TRADD: variants seen among roughly 807,000 people sequenced by gnomAD.
TRADD encodes the protein TNFRSF1A associated via death domain.
In TRADD, 14 loss-of-function variants were observed where a neutral mutation model predicts 31.5. The ratio of observed to expected loss-of-function variants is 0.44; its 90% CI spans 0.29 to 0.69. The LOEUF (loss-of-function observed/expected upper bound fraction) is 0.69. Among genes scored for constraint, TRADD ranks in the 30% least tolerant of loss-of-function variants. TRADD has a pLI of 0.11. For missense variants in TRADD, 388 were observed against 435.7 expected (o/e 0.89, Z 0.97); for synonymous variants, 220 against 215.8 (o/e 1.02, Z -0.17).
Position 67,156,596 on chromosome 16 carries a change from G to T in TRADD, c.65C>A (p.Ser22Ter). The change falls in exon 2 of 5, where the codon TCG (serine) becomes TAG (stop). Residue 22 changes from serine (S) to a stop codon, truncating the protein, a stop_gained. Coordinates refer to ENST00000345057, the MANE Select transcript of TRADD (RefSeq NM_003789.4). LOFTEE classifies it high-confidence loss of function. The surrounding 1 kb of genome is among the most constrained non-coding windows in gnomAD (Gnocchi z 4.6). ...ATCCGACAGGACCACCTTGTCCAGC[G>T]AGGACTCCACAAACAGGTATGCGCT... is the stretch of plus-strand genomic sequence containing the variant. ...VGSAYLFVES[S>*]LDKVVLSDAY... 2 of 1,614,064 alleles carry T rather than the reference G, an allele frequency of 1.2e-6. No homozygotes were observed.
At position 67,154,294 on chromosome 16, in the gene TRADD, T is replaced by TAAAAAA; in HGVS notation, c.*354_*355insTTTTTT. 2 of 411,950 alleles carry TAAAAAA rather than the reference T, an allele frequency of 4.9e-6. No individual in the cohort carries two copies. Among genetic ancestry groups the TAAAAAA allele is most frequent in the Non-Finnish European group, 9.0e-6 (2 of 222,706 alleles). 25.5% of individuals were successfully genotyped at this position (411,950 alleles called of 1,614,324 possible). On this transcript the variant is annotated 3_prime_UTR_variant, in exon 5 of 5. Coordinates refer to ENST00000345057, the MANE Select transcript of TRADD (RefSeq NM_003789.4). This position sits in a 1 kb window ranked among gnomAD's most constrained non-coding sequence, Gnocchi z 5.2. ...AAGATTGATTCCTGTTTTACTTCAC[T>TAAAAAA]GCAGTATCTGCAGCACCCAGGATGA...
At position 67,154,844 on chromosome 16, in the gene TRADD, C is replaced by A; in HGVS notation, c.744G>T (p.Ala248=). The A allele has an allele frequency of 6.3e-7, 1 of 1,590,854 alleles. No individual in the cohort carries two copies. The highest frequency in any genetic ancestry group is 1.8e-5 in the Admixed American group (1 of 57,048). The stretch of plus-strand genomic sequence containing the variant: ...CGTACTCGTAGGCCAGCGAGTCCAG[C>A]GCCGGGTCCCGCAGCGCCCGGCAGC... ...QRGCRALRDP[A]LDSLAYEYER... is the part of the protein sequence containing the mutation. The change falls in exon 5 of 5, where the codon GCG becomes GCT. Residue 248 remains alanine, a synonymous_variant. Coordinates refer to ENST00000345057, the MANE Select transcript of TRADD (RefSeq NM_003789.4). The surrounding 1 kb of genome is among the most constrained non-coding windows in gnomAD (Gnocchi z 5.2).
chr16:67,155,343 G>C (rs1355180605), intron 3 of TRADD, 34 bp downstream of exon 3: 2 of 1,605,404 alleles, frequency 1.2e-6, no homozygotes, highest in African/African-American at 2.7e-5. Flanking sequence ...GCGGATCCCC[G>C]CCCTACCCCA....
rs911258208 is a variant in TRADD, at chr16:67,156,435, G to A, written c.151+75C>T. On this transcript the variant is annotated intron_variant, in intron 2 of 4. Transcript: ENST00000345057. The surrounding 1 kb of genome is among the most constrained non-coding windows in gnomAD (Gnocchi z 4.6). Reference sequence around the variant, plus strand: ...CCCACCCCAAATCTTCTTCTTAAAGGTGGCTAAACCCAGGCCCACCCACAA... The same window carrying A: ...CCCACCCCAAATCTTCTTCTTAAAGATGGCTAAACCCAGGCCCACCCACAA... 1 of 1,596,322 alleles carries A rather than the reference G, an allele frequency of 6.3e-7. No homozygotes were observed.
At position 67,154,946 on chromosome 16, in the gene TRADD, C is replaced by T; in HGVS notation, c.642G>A (p.Leu214=). ...CGAACGTCTGTTGGTCCTTCAGGCT[C>T]AGCGGCCGATTCACTGCAGAGGGAG... The part of the protein sequence containing the change: ...FQGQPVVNRP[L]SLKDQQTFAR... The change falls in exon 5 of 5, where the codon CTG becomes CTA. Residue 214 remains leucine, a synonymous_variant. Coordinates refer to ENST00000345057, the MANE Select transcript of TRADD (RefSeq NM_003789.4). The surrounding 1 kb of genome is among the most constrained non-coding windows in gnomAD (Gnocchi z 5.2). The T allele has an allele frequency of 6.2e-7, 1 of 1,609,466 alleles. No individual in the cohort carries two copies. Among genetic ancestry groups the T allele is most frequent in the South Asian group, 1.1e-5 (1 of 90,464 alleles).
intron 4 of TRADD, 51 bp from the exon 5 acceptor site, chr16:67,155,010 T>TGCCC: frequency 9.3e-6 from 14 of 1,499,432 alleles, no homozygotes; most frequent in African/African-American, 1.4e-5. Context: ...CCAGCGCCGG[T>TGCCC]CCCACCCATC....
intron 2 of TRADD, 27 bp from the exon 3 acceptor site, chr16:67,155,681 G>T: frequency 6.4e-7 from 1 of 1,553,126 alleles, no homozygotes. Context: ...TCAGGCGCCG[G>T]GCGGTCCCCA....
chr16:67,157,605 A>C (rs1000134243), intron 1 of TRADD, among the ~76,000 whole-genome samples: 2 of 152,218 alleles, frequency 1.3e-5, no homozygotes, highest in African/African-American at 4.8e-5. Flanking sequence ...AAGCCATTGC[A>C]CACTGGACTT....
chr16:67,155,422 CA>C lies in TRADD; in HGVS notation c.383del (p.Leu128CysfsTer9). 6.3e-7 allele frequency: 1 copy of C among 1,597,398 alleles called. No individual in the cohort carries two copies. The highest frequency in any genetic ancestry group is 1.7e-4 in the Middle Eastern group (1 of 6,052). On this transcript the variant is annotated frameshift_variant, in exon 3 of 5. Transcript: ENST00000345057. LOFTEE classifies it high-confidence loss of function. ...LRAGAERLDALLADEERCLSC... is the reference protein window; with the variant it reads ...LRAGAERLDAXLADEERCLSC... ...TCAAACAGCGCTCCTCGTCCGCCAGCAAAGCGTCCAGCCGCTCGGCGCCGGC... is the reference window on the plus strand; with the variant it reads ...TCAAACAGCGCTCCTCGTCCGCCAGCAAGCGTCCAGCCGCTCGGCGCCGGC...
chr16:67,157,049 G>T (rs540887558), intron 1 of TRADD, among the ~76,000 whole-genome samples: 3 of 152,288 alleles, frequency 2.0e-5, no homozygotes, highest in African/African-American at 7.2e-5. Flanking sequence ...TCTTCATTCT[G>T]GATGGTGCCC....
chr16:67,156,754 TC>T lies in TRADD; in HGVS notation c.-8-87del, dbSNP rs2030715678. ...TACCCAGCCCCACGTGGTTCAGCTGTCCCCACCACAGTAGCCTCAAGTCCCA... is the reference window on the plus strand; with the variant it reads ...TACCCAGCCCCACGTGGTTCAGCTGTCCCACCACAGTAGCCTCAAGTCCCA... On this transcript the variant is annotated intron_variant, in intron 1 of 4. Coordinates refer to ENST00000345057, the MANE Select transcript of TRADD (RefSeq NM_003789.4). This position sits in a 1 kb window ranked among gnomAD's most constrained non-coding sequence, Gnocchi z 4.6. 1 of 1,563,926 alleles carries T rather than the reference TC, an allele frequency of 6.4e-7. No homozygotes were observed. The highest frequency in any genetic ancestry group is 1.1e-5 in the South Asian group (1 of 90,188).
At position 67,156,586 on chromosome 16, in the gene TRADD, C is replaced by G; in HGVS notation, c.75G>C (p.Lys25Asn). ...AYLFVESSLD[K>N]VVLSDAYAHP... is the part of the protein sequence containing the mutation. ...GCGCGTAGGCATCCGACAGGACCAC[C>G]TTGTCCAGCGAGGACTCCACAAACA... The change falls in exon 2 of 5, where the codon AAG becomes AAC. Residue 25 changes from lysine (K) to asparagine (N), a missense_variant. Lys to Asn is a moderately conservative substitution (Grantham distance 94). Transcript: ENST00000345057. This position sits in a 1 kb window ranked among gnomAD's most constrained non-coding sequence, Gnocchi z 4.6. The G allele has an allele frequency of 6.2e-7, 1 of 1,614,090 alleles. No homozygotes were observed. The highest frequency in any genetic ancestry group is 8.5e-7 in the Non-Finnish European group (1 of 1,180,030).
chr16:67,155,319 C>A (rs1301618875), intron 3 of TRADD, 25 bp from the exon 4 acceptor site: 1 of 1,609,060 alleles, frequency 6.2e-7, no homozygotes, highest in Non-Finnish European at 8.5e-7. Flanking sequence ...CGTGCCGTCA[C>A]GGGGGACTTA....
chr16:67,159,254 G>C lies in TRADD; in HGVS notation c.-9+584C>G, dbSNP rs1284769535. The stretch of plus-strand genomic sequence containing the variant: ...TGAGAAAGTTTGGTGGCCGGAGACT[G>C]TGGGGCGCTTAGGTACCGACCTAAC... On this transcript the variant is annotated intron_variant, in intron 1 of 4. Coordinates refer to ENST00000345057, the MANE Select transcript of TRADD (RefSeq NM_003789.4). The surrounding 1 kb of genome is among the most constrained non-coding windows in gnomAD (Gnocchi z 6.8). Among the ~76,000 whole-genome samples, 6 of 152,248 alleles carry C rather than the reference G, an allele frequency of 3.9e-5. No individual in the cohort carries two copies. Among genetic ancestry groups the C allele is most frequent in the Non-Finnish European group, 8.8e-5 (6 of 68,042 alleles).
chr16:67,156,003 G>C lies in TRADD; in HGVS notation c.152-349C>G, dbSNP rs952712593. The C allele has an allele frequency of 7.2e-7, 1 of 1,395,838 alleles. No homozygotes were observed. The highest frequency in any genetic ancestry group is 2.1e-5 in the Admixed American group (1 of 46,636). The allele number at this position is 1,395,838 out of a possible 1,614,324, so 86.5% of individuals were successfully genotyped here. A position where few individuals can be genotyped will look rare whatever the true frequency, so the allele number is the denominator to read the frequency against. On this transcript the variant is annotated intron_variant, in intron 2 of 4. Transcript: ENST00000345057. The surrounding 1 kb of genome is among the most constrained non-coding windows in gnomAD (Gnocchi z 4.6). ...GTCTGGGTAGGCGGCCAGCAGGGCA[G>C]AGGAGGGCGAGAGGTCTCAGGTCTT...
Position 67,159,041 on chromosome 16 carries a change from T to C in TRADD, c.-9+797A>G, listed in dbSNP as rs2030803897. Reference sequence around the variant, plus strand: ...TCTCACACTCACTAGTACTAGAAGATGGGGAAGGTGAACCAGGCTGGAGGT... The same window carrying C: ...TCTCACACTCACTAGTACTAGAAGACGGGGAAGGTGAACCAGGCTGGAGGT... On this transcript the variant is annotated intron_variant, in intron 1 of 4. Transcript: ENST00000345057. The surrounding 1 kb of genome is among the most constrained non-coding windows in gnomAD (Gnocchi z 6.8). 2.0e-5 allele frequency among the ~76,000 whole-genome samples: 3 copies of C among 152,062 alleles called. No individual in the cohort carries two copies. The highest frequency in any genetic ancestry group is 6.5e-5 in the Admixed American group (1 of 15,278).
At position 67,155,507 on chromosome 16, in the gene TRADD, T is replaced by G. The variant is rs2030653434; in HGVS notation, c.299A>C (p.Gln100Pro). 6.5e-7 allele frequency: 1 copy of G among 1,536,302 alleles called. No individual in the cohort carries two copies. Among genetic ancestry groups the G allele is most frequent in the Non-Finnish European group, 8.7e-7 (1 of 1,149,360 alleles). ...GGCGAGCGCGGCCGCCAGGCTCCTC[T>G]GCAGCGCGGCGCGCAGCGCCCCCTC... The part of the protein sequence containing the change: ...YREGALRAAL[Q>P]RSLAAALAQH... The change falls in exon 3 of 5, where the codon CAG becomes CCG. Residue 100 changes from glutamine to proline, a missense_variant. Transcript: ENST00000345057.
At position 67,154,845 on chromosome 16, in the gene TRADD, G is replaced by A. The variant is rs770415798; in HGVS notation, c.743C>T (p.Ala248Val). Reference sequence around the variant, plus strand: ...GTACTCGTAGGCCAGCGAGTCCAGCGCCGGGTCCCGCAGCGCCCGGCAGCC... The same window carrying A: ...GTACTCGTAGGCCAGCGAGTCCAGCACCGGGTCCCGCAGCGCCCGGCAGCC... ...QRGCRALRDPALDSLAYEYER... is the reference protein window; with the variant it reads ...QRGCRALRDPVLDSLAYEYER... Residue 248 changes from alanine (A) to valine (V), a missense_variant, in exon 5 of 5, where the codon GCG becomes GTG. Coordinates refer to ENST00000345057, the MANE Select transcript of TRADD (RefSeq NM_003789.4). The surrounding 1 kb of genome is among the most constrained non-coding windows in gnomAD (Gnocchi z 5.2). 4 of 1,591,466 alleles carry A rather than the reference G, an allele frequency of 2.5e-6. No individual in the cohort carries two copies. The highest frequency in any genetic ancestry group is 1.7e-6 in the Non-Finnish European group (2 of 1,170,204).
chr16:67,155,019 T>TC, intron 4 of TRADD, 60 bp from the exon 5 acceptor site: 1 of 660,896 alleles, frequency 1.5e-6, no homozygotes, highest in East Asian at 5.2e-5. Context: ...GTCCCACCCA[T>TC]CCCCACCCGG....
Sources: gnomAD v4.1 joint callset for allele counts (sites outside exome capture counted in the v4.1 genomes callset) on GRCh38, gnomAD v4.1.1 for gene constraint, Gnocchi (gnomAD v3.1) non-coding constraint, MANE v1.5 for transcripts, NCBI Gene and HGNC (gene_info 2026-07-23, HGNC 2026-07-21) for gene names.